ANK3: variants seen among roughly 807,000 people sequenced by gnomAD.
ANK3 encodes the protein ankyrin 3.
ANK3 carries 57 observed loss-of-function variants against 370.9 expected under a neutral mutation model. The ratio of observed to expected loss-of-function variants is 0.15; its 90% CI spans 0.12 to 0.19. ANK3 has a LOEUF of 0.19. Among genes scored for constraint, ANK3 ranks in the 10% least tolerant of loss-of-function variants. The pLI, the probability that ANK3 is intolerant of heterozygous loss-of-function variation, is 1.00. For synonymous variants in ANK3, 1,929 were observed against 1,946.3 expected, an observed-to-expected ratio of 0.99 and a Z score of 0.23; for missense variants, 4,439 against 5,302.1, an observed-to-expected ratio of 0.84 and a Z score of 5.06.
chr10:60,427,710 T>C (rs1020931111), intron 2 of ANK3, among the ~76,000 whole-genome samples: 10 of 152,180 alleles, frequency 6.6e-5, no homozygotes, highest in African/African-American at 2.2e-4. Flanking sequence ...TTTAATGTTT[T>C]TGAAAATATA....
chr10:60,648,911 A>G lies in ANK3; in HGVS notation c.58-33687T>C, dbSNP rs115953992. The stretch of plus-strand genomic sequence containing the variant: ...TCCTGCTCCCCCAAAACCAAGGAGA[A>G]TCTGCTAGTCATATTGGCCACAGCC... On this transcript the variant is annotated intron_variant, in intron 1 of 43. Transcript: ENST00000373827. Among the ~76,000 whole-genome samples, 305 of 151,782 alleles carry G rather than the reference A, an allele frequency of 2.0e-3. 1 individual carries two copies. Among genetic ancestry groups the G allele is most frequent in the African/African-American group, 7.0e-3 (289 of 41,350 alleles).
At position 60,026,486 on chromosome 10, in the gene ANK3, T is replaced by C. The variant is rs2072410506; in HGVS notation, c.*3360A>G. ...GGATCACTGGCTTCTTCAGAGAGAC[T>C]CAGAAGATGCCTTATTATTTTTGTG... On this transcript the variant is annotated 3_prime_UTR_variant, in exon 44 of 44. Coordinates refer to ENST00000280772, the MANE Select transcript of ANK3 (RefSeq NM_020987.5). 6.6e-6 allele frequency: 1 copy of C among 152,198 alleles called. No individual in the cohort carries two copies. Among genetic ancestry groups the C allele is most frequent in the South Asian group, 2.1e-4 (1 of 4,830 alleles). The allele number at this position is 152,198 out of a possible 1,614,324, so 9.4% of individuals were successfully genotyped here. A position where few individuals can be genotyped will look rare whatever the true frequency, so the allele number is the denominator to read the frequency against.
At chr10:60,030,146 C>T (rs1335490722) in intron 43 of ANK3, among the ~76,000 whole-genome samples, 1 of 151,582 alleles carries the variant, frequency 6.6e-6, no homozygotes, top group South Asian at 2.1e-4. Flanking sequence ...CCTGGTTCAA[C>T]TTTTTTTCTT....
intron 20 of ANK3, 119 bp from the exon 21 acceptor site, chr10:60,172,522 T>C (rs1469708067): frequency 5.0e-6 from 4 of 792,870 alleles, no homozygotes; most frequent in Non-Finnish European, 6.3e-6. Flanking sequence ...CACAAATAAG[T>C]GTTTCATTAG....
intron 23 of ANK3, among the ~76,000 whole-genome samples, chr10:60,147,212 G>T (rs148596280): frequency 1.3e-5 from 2 of 152,162 alleles, no homozygotes; most frequent in Non-Finnish European, 2.9e-5. Flanking sequence ...TGGAGGACCC[G>T]CAAGCCTTGC....
At chr10:60,239,155 T>A (rs1197613953) in intron 7 of ANK3, among the ~76,000 whole-genome samples, 1 of 151,936 alleles carries the variant, frequency 6.6e-6, no homozygotes, top group Non-Finnish European at 1.5e-5. Context: ...AGCTGTGGGA[T>A]GATACAAAAC....
intron 2 of ANK3, among the ~76,000 whole-genome samples, chr10:60,472,350 TC>T (rs2133084743): frequency 6.6e-6 from 1 of 152,280 alleles, no homozygotes; most frequent in Admixed American, 6.5e-5. Context: ...CACATAGATT[TC>T]CAGTAACAAT....
chr10:60,483,716 C>T (rs1453775524), intron 2 of ANK3, among the ~76,000 whole-genome samples: 3 of 152,100 alleles, frequency 2.0e-5, no homozygotes, highest in Non-Finnish European at 4.4e-5. Context: ...CTCGACCTCC[C>T]CCTCCAGCCC....
At chr10:60,335,431 C>T (rs994061188) in intron 1 of ANK3, among the ~76,000 whole-genome samples, 1 of 151,916 alleles carries the variant, frequency 6.6e-6, no homozygotes, top group Admixed American at 6.6e-5. Flanking sequence ...CTTTTCTAGA[C>T]CATCTATAAA....
At chr10:60,284,719 G>A (rs953312880) in intron 1 of ANK3, among the ~76,000 whole-genome samples, 1 of 151,894 alleles carries the variant, frequency 6.6e-6, no homozygotes, top group Non-Finnish European at 1.5e-5. Context: ...GCTAACAGTG[G>A]ATCACCTGAA....
chr10:60,252,040 T>C (rs1319130262), intron 7 of ANK3, among the ~76,000 whole-genome samples: 2 of 152,258 alleles, frequency 1.3e-5, no homozygotes, highest in Non-Finnish European at 2.9e-5. Flanking sequence ...TGGTCCATGC[T>C]GATCTTCTAT....
intron 18 of ANK3, among the ~76,000 whole-genome samples, chr10:60,176,182 AAAAAAAAAAAAAAC>A (rs2095936622): frequency 7.2e-6 from 1 of 139,404 alleles, no homozygotes; most frequent in African/African-American, 3.0e-5. Flanking sequence ...AAAAATACAA[AAAAAAAAAAAAAAC>A]AAAAAAAAAC....
intron 2 of ANK3, among the ~76,000 whole-genome samples, chr10:60,436,586 G>A (rs1300432595): frequency 1.3e-5 from 2 of 152,012 alleles, no homozygotes; most frequent in Non-Finnish European, 2.9e-5. Flanking sequence ...TGTCGTTGTT[G>A]GCCATTTGTA....
In ANK3 at chr10:60,144,076, G is replaced by A. The variant is rs1235635771; in HGVS notation, c.2615-4989C>T. The A allele has an allele frequency of 2.3e-5, 7 of 299,204 alleles. No individual in the cohort carries two copies. The Admixed American group carries it at 3.6e-4, about 15-fold the overall frequency. 18.5% of individuals were successfully genotyped at this position (299,204 alleles called of 1,614,324 possible). ...ATGAAGACACCATCTTGGACATCTG[G>A]TCATGTTCCTCCACCTCAGCTGCTG... On this transcript the variant is annotated intron_variant, in intron 23 of 43. Transcript: ENST00000280772.
chr10:60,046,593 C>T (rs989677742), intron 42 of ANK3, among the ~76,000 whole-genome samples: 12 of 151,742 alleles, frequency 7.9e-5, no homozygotes, highest in Non-Finnish European at 1.6e-4. Flanking sequence ...AATAGCCTTA[C>T]AAAAAGCAAA....
intron 1 of ANK3, among the ~76,000 whole-genome samples, chr10:60,301,363 C>G (rs1478869632): frequency 7.0e-6 from 1 of 143,716 alleles, no homozygotes; most frequent in Non-Finnish European, 1.5e-5. Flanking sequence ...CATGCACGCA[C>G]AGATACACAC....
At chr10:60,423,147 C>G (rs910990503) in intron 2 of ANK3, among the ~76,000 whole-genome samples, 1 of 151,998 alleles carries the variant, frequency 6.6e-6, no homozygotes, top group Non-Finnish European at 1.5e-5. Context: ...TACGTGAAAA[C>G]CAATCTAGTG....
chr10:60,277,971 CAAATAAT>C (rs952455297), intron 4 of ANK3, among the ~76,000 whole-genome samples: 9 of 152,118 alleles, frequency 5.9e-5, no homozygotes, highest in Admixed American at 2.6e-4. Context: ...TGTGGAGACT[CAAATAAT>C]GAATACTTGA....
intron 2 of ANK3, among the ~76,000 whole-genome samples, chr10:60,548,319 C>T (rs546644870): frequency 1.1e-4 from 16 of 146,908 alleles, no homozygotes; most frequent in African/African-American, 3.8e-4. Context: ...TCGAGTGATT[C>T]TCCCACCTCA....
Sources: gnomAD v4.1 joint callset for allele counts (sites outside exome capture counted in the v4.1 genomes callset) on GRCh38, gnomAD v4.1.1 for gene constraint, MANE v1.5 for transcripts, NCBI Gene and HGNC (gene_info 2026-07-23, HGNC 2026-07-21) for gene names.